The following RALGPS2 variants were observed in gnomAD, a reference collection of about 807,000 sequenced individuals.
The protein encoded by RALGPS2 is Ral GEF with PH domain and SH3 binding motif 2.
Under a neutral mutation model 86.8 loss-of-function variants are expected in RALGPS2, and 43 were observed. The ratio of observed to expected loss-of-function variants is 0.50; its 90% CI spans 0.39 to 0.64. The LOEUF (loss-of-function observed/expected upper bound fraction) is 0.64. Among genes scored for constraint, RALGPS2 ranks in the 30% least tolerant of loss-of-function variants. The pLI is 0.00. For missense variants in RALGPS2, 536 were observed against 694.6 expected, an observed-to-expected ratio of 0.77 and a Z score of 2.57; for synonymous variants, 243 against 231.3, an observed-to-expected ratio of 1.05 and a Z score of -0.46.
intron 14 of RALGPS2, 30 bp downstream of exon 14, chr1:178,889,726 G>T (rs1370062390): frequency 1.3e-6 from 2 of 1,532,674 alleles, no homozygotes; most frequent in Non-Finnish European, 1.8e-6. Flanking sequence ...TGAACTACTT[G>T]GAGTTTATTT....
chr1:178,758,936 T>C (rs1232456937), intron 1 of RALGPS2, among the ~76,000 whole-genome samples: 1 of 152,184 alleles, frequency 6.6e-6, no homozygotes, highest in Non-Finnish European at 1.5e-5. Flanking sequence ...TTTTTTTTCC[T>C]GTAGAGTTGT....
chr1:178,769,438 C>T (rs1652674917), intron 1 of RALGPS2, among the ~76,000 whole-genome samples: 1 of 151,822 alleles, frequency 6.6e-6, no homozygotes, highest in Non-Finnish European at 1.5e-5. Flanking sequence ...CCTGCTGATC[C>T]TTGGAAAGGG....
chr1:178,837,077 A>G (rs886207837), intron 8 of RALGPS2, among the ~76,000 whole-genome samples: 2 of 152,122 alleles, frequency 1.3e-5, no homozygotes, highest in Non-Finnish European at 2.9e-5. Flanking sequence ...CACTGGGCTC[A>G]GCCAGTCCAC....
In RALGPS2 at chr1:178,885,156, T is replaced by C; in HGVS notation, c.985T>C (p.Ser329Pro). The C allele has an allele frequency of 6.2e-7, 1 of 1,613,898 alleles. No individual in the cohort carries two copies. The highest frequency in any genetic ancestry group is 8.5e-7 in the Non-Finnish European group (1 of 1,179,902). ...EGALLPQTPPSPRNLIPHGHR... is the reference protein window; with the variant it reads ...EGALLPQTPPPPRNLIPHGHR... Reference sequence around the variant, plus strand: ...AGCCTTGCTCCCACAGACACCGCCATCCCCTCGGAATCTGATTCCACATGG... The same window carrying C: ...AGCCTTGCTCCCACAGACACCGCCACCCCCTCGGAATCTGATTCCACATGG... The change falls in exon 12 of 20, where the codon TCC becomes CCC. Residue 329 changes from serine to proline, a missense_variant. Ser to Pro is a moderately conservative substitution (Grantham distance 74). This residue lies in a region of RALGPS2 where 309 missense variants were observed against 363.0 expected (regional missense o/e 0.85). Transcript: ENST00000367635.
intron 9 of RALGPS2, among the ~76,000 whole-genome samples, chr1:178,878,108 T>C (rs1468715307): frequency 6.6e-6 from 1 of 152,144 alleles, no homozygotes; most frequent in South Asian, 2.1e-4. Flanking sequence ...CTCGTGACAA[T>C]TGACCAACTT....
intron 1 of RALGPS2, among the ~76,000 whole-genome samples, chr1:178,740,511 A>G (rs1650960772): frequency 6.6e-6 from 1 of 152,198 alleles, no homozygotes; most frequent in Non-Finnish European, 1.5e-5. Context: ...GTTGGTGTAG[A>G]GTCCTGTAAA....
intron 16 of RALGPS2, among the ~76,000 whole-genome samples, chr1:178,895,552 G>A (rs1393851669): frequency 1.3e-5 from 2 of 152,124 alleles, no homozygotes; most frequent in Admixed American, 1.3e-4. Context: ...AGATCTGAAT[G>A]AGGAAGGTGA....
At chr1:178,912,996 C>T (rs1660680170) in intron 19 of RALGPS2, among the ~76,000 whole-genome samples, 1 of 152,052 alleles carries the variant, frequency 6.6e-6, no homozygotes, top group African/African-American at 2.4e-5. Context: ...TTATGAAATT[C>T]CTAGGCTGGG....
intron 4 of RALGPS2, among the ~76,000 whole-genome samples, chr1:178,785,951 C>T (rs1653630025): frequency 6.6e-6 from 1 of 152,048 alleles, no homozygotes; most frequent in East Asian, 1.9e-4. Flanking sequence ...AAACAATCAA[C>T]TAACACATAT....
chr1:178,785,403 T>G (rs1653602308), intron 3 of RALGPS2, among the ~76,000 whole-genome samples, 154 bp from the exon 4 acceptor site: 2 of 151,972 alleles, frequency 1.3e-5, no homozygotes, highest in South Asian at 4.1e-4. Flanking sequence ...AATAATTCTA[T>G]TTAATGGTAC....
At chr1:178,728,114 A>G in intron 1 of RALGPS2, among the ~76,000 whole-genome samples, 1 of 152,242 alleles carries the variant, frequency 6.6e-6, no homozygotes, top group Admixed American at 6.5e-5. Flanking sequence ...ACATGTGGTT[A>G]GACAGCCTTA....
chr1:178,797,663 A>G (rs547162335), intron 4 of RALGPS2, among the ~76,000 whole-genome samples: 1 of 152,316 alleles, frequency 6.6e-6, no homozygotes, highest in African/African-American at 2.4e-5. Context: ...TTACATAACT[A>G]TAGTACAATA....
At position 178,878,997 on chromosome 1, in the gene RALGPS2, G is replaced by T; in HGVS notation, c.836+5G>T. 6.2e-7 allele frequency: 1 copy of T among 1,611,828 alleles called. No individual in the cohort carries two copies. Among genetic ancestry groups the T allele is most frequent in the Non-Finnish European group, 8.5e-7 (1 of 1,179,168 alleles). ...TGTGGAAGACGATAATTACAAGTAG[G>T]TTGGATCTTCAAAAGTGGTTTGTAT... is the stretch of plus-strand genomic sequence containing the variant. On this transcript the variant is annotated splice_donor_5th_base_variant and intron_variant, in intron 10 of 19. Coordinates refer to ENST00000367635, the MANE Select transcript of RALGPS2 (RefSeq NM_152663.5).
chr1:178,821,721 A>G lies in RALGPS2; in HGVS notation c.480+17A>G, dbSNP rs1655517352. 6 of 1,559,150 alleles carry G rather than the reference A, an allele frequency of 3.8e-6. No homozygotes were observed. In the South Asian group the frequency reaches 6.8e-5, roughly 18 times the overall value. On this transcript the variant is annotated intron_variant, in intron 7 of 19. Coordinates refer to ENST00000367635, the MANE Select transcript of RALGPS2 (RefSeq NM_152663.5). ...ACATGGGCGGTGAGTAATATTCTTT[A>G]GTTAATGAAAGGTTAGACTTCCTGT...
intron 4 of RALGPS2, among the ~76,000 whole-genome samples, chr1:178,805,374 AATGCCTGGGTT>A: frequency 7.3e-5 from 11 of 151,566 alleles, no homozygotes. Flanking sequence ...CCTGAATGGT[AATGCCTGGGTT>A]TTCTTCTAGG....
chr1:178,836,998 C>T (rs899030499), intron 8 of RALGPS2, among the ~76,000 whole-genome samples: 1 of 152,074 alleles, frequency 6.6e-6, no homozygotes, highest in Admixed American at 6.5e-5. Context: ...CCAGGCTGAT[C>T]TCAAACTCCT....
chr1:178,905,225 A>C (rs1311408995), intron 18 of RALGPS2, among the ~76,000 whole-genome samples: 1 of 152,176 alleles, frequency 6.6e-6, no homozygotes, highest in Non-Finnish European at 1.5e-5. Flanking sequence ...TCCTTCCCAT[A>C]TCAAAGGCAT....
At position 178,775,540 on chromosome 1, in the gene RALGPS2, T is replaced by C. The variant is rs560124801; in HGVS notation, c.-83-1142T>C. Among the ~76,000 whole-genome samples the C allele has an allele frequency of 1.3e-5, 2 of 152,280 alleles. 1 individual carries two copies. The highest frequency in any genetic ancestry group is 3.9e-4 in the East Asian group (2 of 5,192). On this transcript the variant is annotated intron_variant, in intron 1 of 19. Transcript: ENST00000367635. Reference sequence around the variant, plus strand: ...AAGAAATTCTGTCCTAGAGGTAAAGTTACCTACTCAGTTTATATGACAGGT... The same window carrying C: ...AAGAAATTCTGTCCTAGAGGTAAAGCTACCTACTCAGTTTATATGACAGGT...
chr1:178,740,991 G>A (rs971059928), intron 1 of RALGPS2, among the ~76,000 whole-genome samples: 2 of 152,174 alleles, frequency 1.3e-5, no homozygotes, highest in Admixed American at 6.5e-5. Flanking sequence ...TTAGAACAAT[G>A]CTAAGCGTAT....
Sources: gnomAD v4.1 joint callset for allele counts (sites outside exome capture counted in the v4.1 genomes callset) on GRCh38, gnomAD v4.1.1 for gene constraint, gnomAD v4.1.1 regional missense constraint, MANE v1.5 for transcripts, NCBI Gene and HGNC (gene_info 2026-07-23, HGNC 2026-07-21) for gene names.